Variants in SUSD4 observed in about 807,000 individuals in gnomAD.
SUSD4 encodes sushi domain-containing protein 4.
A neutral mutation model predicts 50.5 loss-of-function variants in SUSD4; 41 were observed. That is an observed-to-expected ratio of 0.81 (90% CI 0.63 to 1.05). The LOEUF (loss-of-function observed/expected upper bound fraction) is 1.05. Ranked by LOEUF, SUSD4 falls within the 50% of genes least tolerant of loss-of-function variation. The pLI is 0.00. For synonymous variants in SUSD4, 257 were observed against 257.3 expected, an observed-to-expected ratio of 1.00 and a Z score of 0.01; for missense variants, 580 against 634.7, an observed-to-expected ratio of 0.91 and a Z score of 0.93.
chr1:223,306,496 AT>A (rs1399589988), intron 2 of SUSD4, among the ~76,000 whole-genome samples: 4 of 152,012 alleles, frequency 2.6e-5, no homozygotes, highest in Non-Finnish European at 4.4e-5. Flanking sequence ...GGCATGGGTA[AT>A]TTTTTTGTTT....
At chr1:223,278,182 A>C (rs1663416062) in intron 3 of SUSD4, among the ~76,000 whole-genome samples, 2 of 152,192 alleles carry the variant, frequency 1.3e-5, no homozygotes, top group South Asian at 4.1e-4. Flanking sequence ...CTGAGGTACC[A>C]GGTTCATCAC....
Position 223,229,553 on chromosome 1 carries a change from T to C in SUSD4, c.725-165A>G, listed in dbSNP as rs560336603. On this transcript the variant is annotated intron_variant, in intron 5 of 8. Coordinates refer to ENST00000366878, the MANE Select transcript of SUSD4 (RefSeq NM_017982.4). The surrounding 1 kb of genome is among the most constrained non-coding windows in gnomAD (Gnocchi z 4.7). ...AGATGGTCTCTTTTTTAGTATTTCATGGAAGGCGGAATGGAAGCCTGCTGT... is the reference window on the plus strand; with the variant it reads ...AGATGGTCTCTTTTTTAGTATTTCACGGAAGGCGGAATGGAAGCCTGCTGT... The C allele has an allele frequency of 1.7e-4, 108 of 631,822 alleles. No homozygotes were observed. Among genetic ancestry groups the C allele is most frequent in the Non-Finnish European group, 2.7e-4 (105 of 388,320 alleles). 39.1% of individuals were successfully genotyped at this position (631,822 alleles called of 1,614,324 possible).
intron 5 of SUSD4, among the ~76,000 whole-genome samples, chr1:223,245,236 C>G (rs1218394585): frequency 6.6e-6 from 1 of 150,540 alleles, no homozygotes; most frequent in African/African-American, 2.5e-5. Flanking sequence ...ATGTGTTTGT[C>G]TTTTTATTTT....
intron 5 of SUSD4, among the ~76,000 whole-genome samples, chr1:223,254,384 A>G (rs1661542648): frequency 6.6e-6 from 1 of 152,206 alleles, no homozygotes; most frequent in Admixed American, 6.5e-5. Context: ...GGATTAAAAA[A>G]AAAGAGACAG....
At chr1:223,224,068 G>C (rs1048333846) in intron 7 of SUSD4, among the ~76,000 whole-genome samples, 3 of 152,194 alleles carry the variant, frequency 2.0e-5, no homozygotes, top group African/African-American at 7.2e-5. Flanking sequence ...CAGAAAATAG[G>C]TCAGGTGTGG....
chr1:223,273,499 C>G (rs1663055058), intron 3 of SUSD4, among the ~76,000 whole-genome samples: 1 of 152,224 alleles, frequency 6.6e-6, no homozygotes, highest in South Asian at 2.1e-4. Flanking sequence ...CTGGGCCACG[C>G]TAGACAGATT....
At chr1:223,342,670 T>C (rs988991938) in intron 2 of SUSD4, among the ~76,000 whole-genome samples, 1 of 152,216 alleles carries the variant, frequency 6.6e-6, no homozygotes, top group Non-Finnish European at 1.5e-5. Flanking sequence ...GACTATTCAA[T>C]AAATACTGTT....
intron 5 of SUSD4, among the ~76,000 whole-genome samples, chr1:223,259,097 G>A (rs1164398839): frequency 6.6e-6 from 1 of 152,144 alleles, no homozygotes; most frequent in East Asian, 1.9e-4. Context: ...TGAGCCCCAG[G>A]GGGACAGAGA....
chr1:223,256,395 A>C lies in SUSD4; in HGVS notation c.724+8235T>G, dbSNP rs183370735. 2.0e-5 allele frequency among the ~76,000 whole-genome samples: 3 copies of C among 152,290 alleles called. No individual in the cohort carries two copies. In the East Asian group the frequency reaches 5.8e-4, roughly 29 times the overall value. ...AGGCCTGCTTCCTATCTGAAAATAG[A>C]GGACAGTAATACCTGGAGTTGTCTA... On this transcript the variant is annotated intron_variant, in intron 5 of 8. Coordinates refer to ENST00000366878, the MANE Select transcript of SUSD4 (RefSeq NM_017982.4).
At chr1:223,295,584 G>T (rs555703172) in intron 2 of SUSD4, among the ~76,000 whole-genome samples, 22 of 152,200 alleles carry the variant, frequency 1.4e-4, no homozygotes, top group African/African-American at 5.3e-4. Flanking sequence ...GGTGCAGGTC[G>T]GAAGGTATGG....
At chr1:223,325,706 T>C (rs1413867408) in intron 2 of SUSD4, among the ~76,000 whole-genome samples, 2 of 152,192 alleles carry the variant, frequency 1.3e-5, no homozygotes, top group Non-Finnish European at 2.9e-5. Flanking sequence ...CACACATCAG[T>C]AGCACTGCTA....
intron 2 of SUSD4, among the ~76,000 whole-genome samples, chr1:223,348,374 A>G (rs1668160596): frequency 6.6e-6 from 1 of 152,154 alleles, no homozygotes; most frequent in African/African-American, 2.4e-5. Flanking sequence ...CTTACCTATC[A>G]TTCATCTCTG....
At chr1:223,354,876 T>C (rs1668569772) in intron 2 of SUSD4, among the ~76,000 whole-genome samples, 1 of 152,240 alleles carries the variant, frequency 6.6e-6, no homozygotes, top group Non-Finnish European at 1.5e-5. Context: ...AGAATCTGAA[T>C]TTGAAACTAG....
chr1:223,237,368 A>G (rs1660289983), intron 5 of SUSD4, among the ~76,000 whole-genome samples: 1 of 152,028 alleles, frequency 6.6e-6, no homozygotes, highest in Non-Finnish European at 1.5e-5. Flanking sequence ...TGCATTAACT[A>G]GAACTTCCAG....
rs1339595273 is a variant in SUSD4 at position 223,227,570 on chromosome 1, C to T, written c.1061+24G>A. 2 of 1,609,034 alleles carry T rather than the reference C, an allele frequency of 1.2e-6. No individual in the cohort carries two copies. Among genetic ancestry groups the T allele is most frequent in the Admixed American group, 1.7e-5 (1 of 59,894 alleles). On this transcript the variant is annotated intron_variant, in intron 7 of 8. Transcript: ENST00000366878. The surrounding 1 kb of genome is among the most constrained non-coding windows in gnomAD (Gnocchi z 4.5). ...CTGCATTGAGTCAGACCTTGAGCCA[C>T]AGCTGCCAAGACATGACACTGACCT...
At chr1:223,291,909 T>C (rs1341291) in intron 3 of SUSD4, among the ~76,000 whole-genome samples, 66,513 of 152,082 alleles carry the variant, frequency 0.44, 15,108 homozygotes, top group East Asian at 0.57. Context: ...ATCTTGTCAC[T>C]ACCAATACAT....
intron 2 of SUSD4, among the ~76,000 whole-genome samples, chr1:223,356,022 C>T (rs1668645921): frequency 6.6e-6 from 1 of 152,066 alleles, no homozygotes; most frequent in Non-Finnish European, 1.5e-5. Flanking sequence ...AATGGCACTC[C>T]CAACTTTATT....
At chr1:223,337,323 A>G (rs1319650157) in intron 2 of SUSD4, among the ~76,000 whole-genome samples, 2 of 152,224 alleles carry the variant, frequency 1.3e-5, no homozygotes, top group Admixed American at 1.3e-4. Context: ...GAAGGAATGA[A>G]TGTCACCTTA....
intron 2 of SUSD4, among the ~76,000 whole-genome samples, chr1:223,319,897 A>G (rs1172102048): frequency 1.3e-5 from 2 of 152,188 alleles, no homozygotes; most frequent in African/African-American, 4.8e-5. Flanking sequence ...CAAGGGCTCG[A>G]AGCCAATCAG....
Sources: gnomAD v4.1 joint callset for allele counts (sites outside exome capture counted in the v4.1 genomes callset) on GRCh38, gnomAD v4.1.1 for gene constraint, Gnocchi (gnomAD v3.1) non-coding constraint, MANE v1.5 for transcripts, NCBI Gene and HGNC (gene_info 2026-07-23, HGNC 2026-07-21) for gene names.